Variants in BABAM2 observed in about 807,000 individuals in gnomAD.
BABAM2 encodes the protein BRISC and BRCA1 A complex member 2.
A neutral mutation model predicts 54.7 loss-of-function variants in BABAM2; 31 were observed. The observed-to-expected ratio is 0.57, with a 90% CI of 0.43 to 0.77. The LOEUF is 0.77. Among genes scored for constraint, BABAM2 ranks in the 30% least tolerant of loss-of-function variants. BABAM2 has a pLI of 0.00. For missense variants in BABAM2, 364 were observed against 455.8 expected, an observed-to-expected ratio of 0.80 and a Z score of 1.83; for synonymous variants, 167 against 162.9, an observed-to-expected ratio of 1.03 and a Z score of -0.19.
At chr2:27,957,143 C>T (rs1391928232) in intron 3 of BABAM2, among the ~76,000 whole-genome samples, 1 of 152,178 alleles carries the variant, frequency 6.6e-6, no homozygotes, top group Non-Finnish European at 1.5e-5. Context: ...TTATTGTCTT[C>T]CTGTTTCTCC....
chr2:28,210,924 A>T (rs1055243523), intron 7 of BABAM2, among the ~76,000 whole-genome samples: 1 of 152,242 alleles, frequency 6.6e-6, no homozygotes, highest in African/African-American at 2.4e-5. Context: ...GAACAGAAAA[A>T]TAAAGTTATT....
chr2:28,201,374 G>C (rs1047464481), intron 7 of BABAM2, among the ~76,000 whole-genome samples: 2 of 151,998 alleles, frequency 1.3e-5, no homozygotes, highest in African/African-American at 4.8e-5. Context: ...CTCAACATTT[G>C]TTTGCTGCCT....
intron 6 of BABAM2, among the ~76,000 whole-genome samples, chr2:28,057,775 C>T (rs578048662): frequency 6.6e-6 from 1 of 152,220 alleles, no homozygotes; most frequent in African/African-American, 2.4e-5. Flanking sequence ...GAGAGGATTA[C>T]ACCTGGCTGG....
chr2:28,122,920 A>AG (rs1009635859), intron 6 of BABAM2, among the ~76,000 whole-genome samples: 4 of 152,078 alleles, frequency 2.6e-5, no homozygotes, highest in South Asian at 2.1e-4. Flanking sequence ...TTCAGACTTG[A>AG]GTTTTTTTTT....
At chr2:28,078,640 A>C (rs1315421321) in intron 6 of BABAM2, among the ~76,000 whole-genome samples, 1 of 152,094 alleles carries the variant, frequency 6.6e-6, no homozygotes. Context: ...TTTAGATGGG[A>C]GAATGGGGAT....
chr2:28,066,203 A>G (rs1368200855), intron 6 of BABAM2, among the ~76,000 whole-genome samples: 1 of 151,486 alleles, frequency 6.6e-6, no homozygotes, highest in Non-Finnish European at 1.5e-5. Flanking sequence ...AAAATAAAAA[A>G]AACAGCCACG....
At chr2:28,241,197 G>A in intron 8 of BABAM2, 126 bp from the exon 9 acceptor site, 1 of 837,790 alleles carries the variant, frequency 1.2e-6, no homozygotes, top group African/African-American at 1.7e-5. Flanking sequence ...GTTGTTGAAT[G>A]TAGGTAGTGG....
chr2:28,123,900 G>A (rs750200223), intron 6 of BABAM2, among the ~76,000 whole-genome samples: 8 of 152,242 alleles, frequency 5.3e-5, no homozygotes, highest in Admixed American at 1.3e-4. Context: ...GAGTCATTCC[G>A]TTTGTTTGGA....
rs536388981 is a variant in BABAM2, at chr2:28,273,685, C to T, written c.935-24653C>T. On this transcript the variant is annotated intron_variant, in intron 10 of 11. Coordinates refer to ENST00000379624, the MANE Select transcript of BABAM2 (RefSeq NM_199191.3). Reference sequence around the variant, plus strand: ...AGTGAGCCGAGATTATACCACTGCACTCCAGCCTGGGCAACAGAGCAAGAC... The same window carrying T: ...AGTGAGCCGAGATTATACCACTGCATTCCAGCCTGGGCAACAGAGCAAGAC... Among the ~76,000 whole-genome samples, 7 of 152,240 alleles carry T rather than the reference C, an allele frequency of 4.6e-5. No individual in the cohort carries two copies. The East Asian group carries it at 9.6e-4, about 21-fold the overall frequency.
chr2:28,297,906 T>G lies in BABAM2; in HGVS notation c.935-432T>G, dbSNP rs142919442. 7.3e-3 allele frequency among the ~76,000 whole-genome samples: 1,106 copies of G among 152,330 alleles called. 10 individuals are homozygous for G. The highest frequency in any genetic ancestry group is 0.025 in the African/African-American group (1,048 of 41,576). On this transcript the variant is annotated intron_variant, in intron 10 of 11. Coordinates refer to ENST00000379624, the MANE Select transcript of BABAM2 (RefSeq NM_199191.3). Reference sequence around the variant, plus strand: ...CCTCCATCAAATTATAGATGTGGAATACATTGCCCAACCCTTGAAGAGTTT... The same window carrying G: ...CCTCCATCAAATTATAGATGTGGAAGACATTGCCCAACCCTTGAAGAGTTT...
At chr2:28,054,344 C>G (rs1678229806) in intron 6 of BABAM2, among the ~76,000 whole-genome samples, 1 of 152,090 alleles carries the variant, frequency 6.6e-6, no homozygotes, top group African/African-American at 2.4e-5. Context: ...ATTCCATCTT[C>G]TCTCTTATTT....
chr2:28,270,750 A>C (rs1685355911), intron 10 of BABAM2, among the ~76,000 whole-genome samples: 1 of 152,244 alleles, frequency 6.6e-6, no homozygotes, highest in Non-Finnish European at 1.5e-5. Flanking sequence ...GAAACACTGC[A>C]ACATAAAAGT....
intron 6 of BABAM2, among the ~76,000 whole-genome samples, chr2:28,110,088 C>T (rs752799190): frequency 2.6e-5 from 4 of 152,188 alleles, no homozygotes; most frequent in African/African-American, 4.8e-5. Flanking sequence ...TTTGACTACT[C>T]TCAAACTTCA....
At chr2:28,179,443 T>A (rs1675380911) in intron 7 of BABAM2, among the ~76,000 whole-genome samples, 1 of 152,082 alleles carries the variant, frequency 6.6e-6, no homozygotes, top group Non-Finnish European at 1.5e-5. Flanking sequence ...TCCTTGGTGA[T>A]AAAAATCTCA....
At chr2:28,115,624 C>A (rs1668545075) in intron 6 of BABAM2, among the ~76,000 whole-genome samples, 1 of 150,282 alleles carries the variant, frequency 6.7e-6, no homozygotes, top group Non-Finnish European at 1.5e-5. Context: ...AGAATCGTCT[C>A]AAAAAATAAA....
At chr2:28,302,065 T>C (rs1688150164) in intron 11 of BABAM2, among the ~76,000 whole-genome samples, 1 of 152,172 alleles carries the variant, frequency 6.6e-6, no homozygotes, top group Non-Finnish European at 1.5e-5. Context: ...ATCATACTCT[T>C]TTGTGTCTGA....
At chr2:28,155,419 A>G (rs1558389687) in intron 7 of BABAM2, among the ~76,000 whole-genome samples, 1 of 152,116 alleles carries the variant, frequency 6.6e-6, no homozygotes, top group Non-Finnish European at 1.5e-5. Flanking sequence ...TTCATAAATA[A>G]TTGATCGATA....
chr2:28,266,646 A>C (rs1685008237), intron 10 of BABAM2, among the ~76,000 whole-genome samples: 1 of 152,242 alleles, frequency 6.6e-6, no homozygotes, highest in African/African-American at 2.4e-5. Context: ...TTTTTAAGGT[A>C]AGGAAACCAA....
chr2:27,954,638 C>G (rs1027003665), intron 3 of BABAM2, among the ~76,000 whole-genome samples: 3 of 152,180 alleles, frequency 2.0e-5, no homozygotes, highest in Non-Finnish European at 4.4e-5. Context: ...AGATATCCTA[C>G]TCATCCTTTT....
Sources: gnomAD v4.1 joint callset for allele counts (sites outside exome capture counted in the v4.1 genomes callset) on GRCh38, gnomAD v4.1.1 for gene constraint, MANE v1.5 for transcripts, NCBI Gene and HGNC (gene_info 2026-07-23, HGNC 2026-07-21) for gene names.